IGSF5: variants seen among roughly 807,000 people sequenced by gnomAD.
IGSF5 encodes immunoglobulin superfamily 5 like.
In IGSF5, 41 loss-of-function variants were observed where a neutral mutation model predicts 39.4. The ratio of observed to expected loss-of-function variants is 1.04; its 90% CI spans 0.81 to 1.35. IGSF5 has a LOEUF of 1.35. IGSF5 is among the 40% of genes most tolerant of loss of function. IGSF5 has a pLI of 0.00. For missense variants in IGSF5, 487 were observed against 494.6 expected, an observed-to-expected ratio of 0.98 and a Z score of 0.15; for synonymous variants, 183 against 175.3, an observed-to-expected ratio of 1.04 and a Z score of -0.34.
At position 39,765,869 on chromosome 21, in the gene IGSF5, C is replaced by T; in HGVS notation, c.418+17C>T. On this transcript the variant is annotated intron_variant, in intron 3 of 8. Transcript: ENST00000380588. ...CCGTCCAAGGTGTGTATGCAGGTGG[C>T]TTCTGAAGTCCATCAGGTTAAATGT... The T allele has an allele frequency of 1.3e-6, 2 of 1,599,564 alleles. No individual in the cohort carries two copies. The highest frequency in any genetic ancestry group is 2.7e-5 in the African/African-American group (2 of 74,760).
At chr21:39,717,128 C>T in the IGSF5 span, among the ~76,000 whole-genome samples, 3 of 152,002 alleles carry the variant, frequency 2.0e-5, no homozygotes, top group African/African-American at 7.2e-5. Flanking sequence ...TCATATGCTT[C>T]TTGGACGCAT....
chr21:39,727,506 A>T, the IGSF5 span, among the ~76,000 whole-genome samples: 1 of 152,332 alleles, frequency 6.6e-6, no homozygotes, highest in South Asian at 2.1e-4. Flanking sequence ...CCTGATAAAC[A>T]CAAGGCAACC....
intron 8 of IGSF5, among the ~76,000 whole-genome samples, chr21:39,798,995 G>T (rs1290463205): frequency 6.6e-6 from 1 of 152,182 alleles, no homozygotes; most frequent in Admixed American, 6.5e-5. Context: ...AGACACTGTG[G>T]CCAGGAGCTA....
At chr21:39,770,005 T>C (rs1172796914) in intron 3 of IGSF5, among the ~76,000 whole-genome samples, 1 of 152,030 alleles carries the variant, frequency 6.6e-6, no homozygotes, top group Non-Finnish European at 1.5e-5. Flanking sequence ...AAAAATTCAG[T>C]GACTTGCCCA....
At chr21:39,775,150 A>T (rs1315205656) in intron 4 of IGSF5, among the ~76,000 whole-genome samples, 1 of 151,744 alleles carries the variant, frequency 6.6e-6, no homozygotes, top group Admixed American at 6.6e-5. Flanking sequence ...GAAAAAAAAA[A>T]TCTCTAAGGC....
intron 2 of IGSF5, among the ~76,000 whole-genome samples, chr21:39,759,345 G>A (rs1392054188): frequency 6.6e-6 from 1 of 152,166 alleles, no homozygotes; most frequent in African/African-American, 2.4e-5. Flanking sequence ...AAACGTTCTG[G>A]AGGTGTTTAT....
Position 39,779,091 on chromosome 21 carries a change from C to T in IGSF5, c.720C>T (p.Asp240=). Residue 240 remains aspartate (D), a splice_region_variant and synonymous_variant, in exon 5 of 9, where the codon GAC becomes GAT. Coordinates refer to ENST00000380588, the MANE Select transcript of IGSF5 (RefSeq NM_001080444.2). The part of the protein sequence containing the change: ...VNLTVIRCPQ[D]TGGGINIPGV... The stretch of plus-strand genomic sequence containing the variant: ...AAAATATATTTTTTTCTTCTTTAGA[C>T]ACTGGAGGTGGTATTAATATTCCAG... 1 of 1,611,980 alleles carries T rather than the reference C, an allele frequency of 6.2e-7. No individual in the cohort carries two copies. Among genetic ancestry groups the T allele is most frequent in the South Asian group, 1.1e-5 (1 of 91,004 alleles).
chr21:39,799,409 G>C (rs1052085645), intron 8 of IGSF5, among the ~76,000 whole-genome samples: 1 of 152,174 alleles, frequency 6.6e-6, no homozygotes, highest in Non-Finnish European at 1.5e-5. Context: ...GCACACTCTT[G>C]GGCCTCCGCC....
intron 5 of IGSF5, 86 bp from the exon 6 acceptor site, chr21:39,788,076 TTAAAA>T (rs1404047672): frequency 1.0e-6 from 1 of 970,464 alleles, no homozygotes; most frequent in Non-Finnish European, 1.6e-6. Context: ...GTTGGGTCTG[TTAAAA>T]TAAGGGAGTG....
chr21:39,737,217 T>C, the IGSF5 span, among the ~76,000 whole-genome samples: 5 of 151,250 alleles, frequency 3.3e-5, no homozygotes, highest in East Asian at 9.7e-4. Context: ...TCAATGTGCT[T>C]TTTCCTGTTC....
At chr21:39,720,262 G>A in the IGSF5 span, among the ~76,000 whole-genome samples, 1 of 152,154 alleles carries the variant, frequency 6.6e-6, no homozygotes, top group African/African-American at 2.4e-5. Flanking sequence ...TGCCACCACT[G>A]ATCTGACAGG....
At chr21:39,741,339 C>G (rs1225168393), upstream of IGSF5, among the ~76,000 whole-genome samples, 1 of 152,112 alleles carries the variant, frequency 6.6e-6, no homozygotes, top group Admixed American at 6.5e-5. Flanking sequence ...GCCAAGGAAC[C>G]CTCTTAGTTG....
the IGSF5 span, among the ~76,000 whole-genome samples, chr21:39,733,108 CA>C: frequency 6.6e-6 from 1 of 151,870 alleles, no homozygotes; most frequent in Non-Finnish European, 1.5e-5. Context: ...GTACCAAAGA[CA>C]AAATAAAAGA....
the IGSF5 span, among the ~76,000 whole-genome samples, chr21:39,721,790 C>T: frequency 0.042 from 6,307 of 151,662 alleles, 264 homozygotes; most frequent in East Asian, 0.22. Flanking sequence ...TTCCATTCCA[C>T]CCATCCACCC....
chr21:39,781,850 CCTT>C (rs2080172277), intron 5 of IGSF5, among the ~76,000 whole-genome samples: 1 of 152,082 alleles, frequency 6.6e-6, no homozygotes, highest in South Asian at 2.1e-4. Flanking sequence ...GCTTTTTACT[CCTT>C]CTAATTTTAA....
At chr21:39,716,470 T>C in the IGSF5 span, among the ~76,000 whole-genome samples, 7 of 152,120 alleles carry the variant, frequency 4.6e-5, no homozygotes, top group Non-Finnish European at 1.0e-4. Flanking sequence ...TACCCAATAG[T>C]TATCTTTTCT....
the IGSF5 span, chr21:39,727,935 G>A: frequency 2.0e-5 from 3 of 152,182 alleles, no homozygotes; most frequent in African/African-American, 7.2e-5. Flanking sequence ...TTCCTCTCAT[G>A]CCACGAATGG....
the IGSF5 span, among the ~76,000 whole-genome samples, chr21:39,714,736 A>G: frequency 6.6e-6 from 1 of 152,204 alleles, no homozygotes; most frequent in African/African-American, 2.4e-5. Flanking sequence ...TTTCTGTTTT[A>G]TAAGGACACC....
upstream of IGSF5, among the ~76,000 whole-genome samples, chr21:39,744,288 C>T (rs749009599): frequency 1.6e-4 from 24 of 152,182 alleles, no homozygotes; most frequent in Non-Finnish European, 3.5e-4. Context: ...TTCATAACAA[C>T]CCAGCTGCCC....
Sources: gnomAD v4.1 joint callset for allele counts (sites outside exome capture counted in the v4.1 genomes callset) on GRCh38, gnomAD v4.1.1 for gene constraint, MANE v1.5 for transcripts, NCBI Gene and HGNC (gene_info 2026-07-23, HGNC 2026-07-21) for gene names.